Variants in NHSL2 observed in about 807,000 individuals in gnomAD.
The protein encoded by NHSL2 is NHS-like protein 2.
Under a neutral mutation model 53.4 loss-of-function variants are expected in NHSL2, and 27 were observed. The observed-to-expected ratio is 0.51, with a 90% CI of 0.37 to 0.70. The LOEUF is 0.70. NHSL2 is among the 30% of genes least tolerant of loss of function. NHSL2 has a pLI of 0.00. For synonymous variants in NHSL2, 408 were observed against 404.1 expected (o/e 1.01, Z -0.12); for missense variants, 892 against 980.1 (o/e 0.91, Z 1.20).
At chrX:72,043,521 G>A (rs939616843) in intron 1 of NHSL2, among the ~76,000 whole-genome samples, 1 of 111,118 alleles carries the variant, frequency 9.0e-6, no homozygotes, top group Non-Finnish European at 1.9e-5. Flanking sequence ...ATTGCCTGAA[G>A]CCACACAGTA....
rs201161696 is a variant in NHSL2 at position 71,914,030 on chromosome X, C to T, written c.280+2663C>T. 1.2e-4 allele frequency among the ~76,000 whole-genome samples: 14 copies of T among 112,553 alleles called. No homozygotes were observed. The East Asian group carries it at 3.9e-3, about 31-fold the overall frequency. ...GGCTGTTCTTTGGTAACATGAACCC[C>T]TTTGAGACTGCCCTAAAAGCTCTTG... On this transcript the variant is annotated intron_variant, in intron 1 of 7. Transcript: ENST00000633930.
At chrX:72,130,140 C>T (rs1181401183) in intron 1 of NHSL2, 2 of 1,211,093 alleles carry the variant, frequency 1.7e-6, no homozygotes, top group Admixed American at 4.3e-5. Flanking sequence ...CCATCTCCAT[C>T]AGCTCATCTA....
intron 1 of NHSL2, among the ~76,000 whole-genome samples, chrX:71,919,624 G>T (rs1181419793): frequency 9.0e-6 from 1 of 111,620 alleles, no homozygotes; most frequent in Non-Finnish European, 1.9e-5. Flanking sequence ...CCAACCCGAG[G>T]ATTTTCCTTT....
Position 72,150,927 on chromosome X carries a change from C to A in NHSL2, c.*7353C>A, listed in dbSNP as rs1429259398. 1 of 112,030 alleles carries A rather than the reference C, an allele frequency of 8.9e-6. No individual in the cohort carries two copies. Among genetic ancestry groups the A allele is most frequent in the Non-Finnish European group, 1.9e-5 (1 of 53,220 alleles). 9.2% of individuals were successfully genotyped at this position (112,030 alleles called of 1,213,427 possible). ...AGGTTAAGACAGTAACTATTTTAGG[C>A]TTTGTGGGCTACATGTGGTCTCTGT... On this transcript the variant is annotated 3_prime_UTR_variant, in exon 8 of 8. Transcript: ENST00000633930.
chrX:72,096,138 T>C (rs2041942092), intron 1 of NHSL2, among the ~76,000 whole-genome samples: 1 of 110,166 alleles, frequency 9.1e-6, no homozygotes, highest in African/African-American at 3.3e-5. Context: ...GGCTGCTTCG[T>C]AGAGCCAGAG....
At chrX:72,143,164 CTGG>C in intron 7 of NHSL2, 86 bp from the exon 8 acceptor site, 1 of 642,480 alleles carries the variant, frequency 1.6e-6, no homozygotes, top group Non-Finnish European at 2.3e-6. Flanking sequence ...GGGCTGCCGC[CTGG>C]ATTGTGTCAC....
At chrX:71,986,796 C>G (rs2042004815) in intron 1 of NHSL2, among the ~76,000 whole-genome samples, 1 of 111,493 alleles carries the variant, frequency 9.0e-6, no homozygotes, top group Admixed American at 9.5e-5. Context: ...TGCTTTTAGT[C>G]CAATGTTCAG....
At chrX:72,093,686 C>T (rs1364455927) in intron 1 of NHSL2, among the ~76,000 whole-genome samples, 12 of 110,247 alleles carry the variant, frequency 1.1e-4, no homozygotes, top group African/African-American at 2.7e-4. Flanking sequence ...TATCTGTGTG[C>T]GTGTGTGTGA....
At position 71,977,425 on chromosome X, in the gene NHSL2, C is replaced by CTTT. The variant is rs374810519; in HGVS notation, c.280+66072_280+66074dup. Among the ~76,000 whole-genome samples, 401 of 92,674 alleles carry CTTT rather than the reference C, an allele frequency of 4.3e-3. 3 individuals carry two copies. The highest frequency in any genetic ancestry group is 0.014 in the African/African-American group (372 of 25,990). The allele number at this position is 92,674 out of a possible 115,157, so 80.5% of individuals were successfully genotyped here. ...AAACTTGGTGGCAGTCTCTCTCTCT[C>CTTT]TTTTTTTTTTTTTTTTGACAGCGCC... On this transcript the variant is annotated intron_variant, in intron 1 of 7. Transcript: ENST00000633930.
intron 1 of NHSL2, among the ~76,000 whole-genome samples, chrX:72,009,259 C>G (rs779120474): frequency 8.9e-6 from 1 of 112,590 alleles, no homozygotes; most frequent in Non-Finnish European, 1.9e-5. Flanking sequence ...AGAGGGATGC[C>G]GCCAACTCAT....
chrX:72,012,481 C>T (rs976379011), intron 1 of NHSL2, among the ~76,000 whole-genome samples: 1 of 112,490 alleles, frequency 8.9e-6, no homozygotes, highest in African/African-American at 3.2e-5. Flanking sequence ...CCCGCTTCTG[C>T]GGGCTGCCAA....
At chrX:72,005,985 G>A (rs2042092836) in intron 1 of NHSL2, among the ~76,000 whole-genome samples, 1 of 111,923 alleles carries the variant, frequency 8.9e-6, no homozygotes, top group African/African-American at 3.3e-5. Flanking sequence ...GTTCCATTAA[G>A]GTTATCCAGG....
intron 1 of NHSL2, among the ~76,000 whole-genome samples, chrX:71,993,966 T>A (rs1377329041): frequency 1.8e-5 from 2 of 112,028 alleles, no homozygotes; most frequent in African/African-American, 6.5e-5. Flanking sequence ...CAAAATTTAG[T>A]TGTACATCAC....
rs759100147 is a variant in NHSL2, at chrX:71,914,962, A to T, written c.280+3595A>T. ...CGTTTCATCCCGAGGCTCTTGGGAC[A>T]GAGGGTTGACAGAGTATGGAGGGAG... On this transcript the variant is annotated intron_variant, in intron 1 of 7. Transcript: ENST00000633930. 4.5e-5 allele frequency among the ~76,000 whole-genome samples: 5 copies of T among 110,499 alleles called. No individual in the cohort carries two copies. The East Asian group carries it at 1.4e-3, about 31-fold the overall frequency.
At chrX:71,918,381 T>C (rs2041639844) in intron 1 of NHSL2, among the ~76,000 whole-genome samples, 1 of 108,097 alleles carries the variant, frequency 9.3e-6, no homozygotes, top group Non-Finnish European at 1.9e-5. Context: ...TTTTTTAAAA[T>C]GGACTCAAAG....
At chrX:71,980,933 T>C (rs1205171728) in intron 1 of NHSL2, among the ~76,000 whole-genome samples, 1 of 111,920 alleles carries the variant, frequency 8.9e-6, no homozygotes, top group African/African-American at 3.3e-5. Context: ...TCAACTAGGG[T>C]GTTGCCCCTT....
intron 1 of NHSL2, among the ~76,000 whole-genome samples, chrX:71,955,277 A>G (rs770265914): frequency 1.6e-3 from 174 of 111,707 alleles, no homozygotes; most frequent in African/African-American, 5.5e-3. Flanking sequence ...TTGTGATGAG[A>G]TTGAATGCTA....
chrX:72,124,741 G>A (rs1274574891), intron 1 of NHSL2, among the ~76,000 whole-genome samples: 1 of 111,671 alleles, frequency 9.0e-6, no homozygotes, highest in African/African-American at 3.3e-5. Flanking sequence ...TGCCTGATTG[G>A]TTTCCTCACT....
At chrX:72,061,407 C>T (rs1238097901) in intron 1 of NHSL2, among the ~76,000 whole-genome samples, 2 of 112,029 alleles carry the variant, frequency 1.8e-5, no homozygotes, top group Non-Finnish European at 3.8e-5. Context: ...TCAGTTTTCT[C>T]ATACGTGCAA....
Sources: allele counts gnomAD v4.1 joint callset (sites outside exome capture counted in the v4.1 genomes callset), GRCh38; gene constraint gnomAD v4.1.1; transcripts MANE v1.5; gene names NCBI Gene and HGNC (gene_info 2026-07-23, HGNC 2026-07-21).